DYNC1I1: variants seen among roughly 807,000 people sequenced by gnomAD.
DYNC1I1 encodes dynein cytoplasmic 1 intermediate chain 1, also known as cytoplasmic dynein 1 intermediate chain 1.
A neutral mutation model predicts 86.6 loss-of-function variants in DYNC1I1; 43 were observed. The ratio of observed to expected loss-of-function variants is 0.50; its 90% CI spans 0.39 to 0.64. The LOEUF (loss-of-function observed/expected upper bound fraction) is 0.64. Among genes scored for constraint, DYNC1I1 ranks in the 30% least tolerant of loss-of-function variants. DYNC1I1 has a pLI of 0.00. For synonymous variants in DYNC1I1, 262 were observed against 283.7 expected (o/e 0.92, Z 0.77); for missense variants, 604 against 788.8 (o/e 0.77, Z 2.81).
At chr7:95,995,196 A>G (rs1019859152) in intron 9 of DYNC1I1, among the ~76,000 whole-genome samples, 2 of 152,008 alleles carry the variant, frequency 1.3e-5, no homozygotes, top group South Asian at 2.1e-4. Flanking sequence ...GTAGTGAGCC[A>G]AGATCAGGCC....
chr7:95,802,098 C>A (rs1002822227), intron 1 of DYNC1I1, among the ~76,000 whole-genome samples: 6 of 151,844 alleles, frequency 4.0e-5, no homozygotes, highest in Non-Finnish European at 7.4e-5. Context: ...CAACTTCAGT[C>A]CCCCATCCCA....
At chr7:96,020,622 A>G (rs1450099437) in intron 10 of DYNC1I1, among the ~76,000 whole-genome samples, 1 of 152,140 alleles carries the variant, frequency 6.6e-6, no homozygotes, top group African/African-American at 2.4e-5. Context: ...TCAAAAATAG[A>G]ACTACATTAT....
chr7:95,839,760 G>A (rs1006927673), intron 5 of DYNC1I1, among the ~76,000 whole-genome samples: 7 of 151,950 alleles, frequency 4.6e-5, no homozygotes, highest in Admixed American at 2.6e-4. Flanking sequence ...AACTAGTGAT[G>A]GTAACCTCTC....
At chr7:95,818,456 C>A in intron 4 of DYNC1I1, 1 of 675,054 alleles carries the variant, frequency 1.5e-6, no homozygotes, top group South Asian at 1.6e-5. Context: ...TGCATACCAC[C>A]ACACCCAGCT....
At chr7:95,954,390 T>G (rs1792646744) in intron 6 of DYNC1I1, among the ~76,000 whole-genome samples, 1 of 151,858 alleles carries the variant, frequency 6.6e-6, no homozygotes. Flanking sequence ...CCACGTGTGC[T>G]TCATGCAACT....
chr7:96,051,909 G>A (rs1789415104), intron 14 of DYNC1I1, among the ~76,000 whole-genome samples: 2 of 152,220 alleles, frequency 1.3e-5, no homozygotes, highest in South Asian at 2.1e-4. Context: ...AAATGATTAT[G>A]TATTACAATA....
intron 2 of DYNC1I1, among the ~76,000 whole-genome samples, chr7:95,809,090 C>A (rs558472877): frequency 1.4e-4 from 22 of 152,044 alleles, no homozygotes; most frequent in Non-Finnish European, 3.1e-4. Context: ...CTCTTATAAG[C>A]CCTTATTGGC....
intron 10 of DYNC1I1, among the ~76,000 whole-genome samples, chr7:95,999,846 A>G (rs1253264458): frequency 6.6e-6 from 1 of 152,104 alleles, no homozygotes; most frequent in African/African-American, 2.4e-5. Flanking sequence ...TGTAAAGTTT[A>G]TTTCAGTAAA....
chr7:96,055,622 G>C (rs1285881146), intron 14 of DYNC1I1: 1 of 150,740 alleles, frequency 6.6e-6, no homozygotes, highest in Non-Finnish European at 1.5e-5. Flanking sequence ...TTAGACTCAG[G>C]ATAAAGATGA....
At chr7:96,061,418 C>T (rs1789762707) in intron 14 of DYNC1I1, among the ~76,000 whole-genome samples, 1 of 152,102 alleles carries the variant, frequency 6.6e-6, no homozygotes, top group Non-Finnish European at 1.5e-5. Context: ...GACTCTCACC[C>T]ATCCAAAGCG....
chr7:95,903,784 G>A (rs182364904), intron 6 of DYNC1I1, among the ~76,000 whole-genome samples: 1 of 152,258 alleles, frequency 6.6e-6, no homozygotes, highest in African/African-American at 2.4e-5. Context: ...AGAGGTTGTG[G>A]AGCTGTGTGA....
chr7:96,024,045 C>CCAGTTTTTCAT (rs1394877745), intron 10 of DYNC1I1, among the ~76,000 whole-genome samples: 1 of 152,108 alleles, frequency 6.6e-6, no homozygotes, highest in Non-Finnish European at 1.5e-5. Context: ...GTCAGTCTTA[C>CCAGTTTTTCAT]CAGTTTTTCA....
chr7:96,061,419 A>G (rs531340262), intron 14 of DYNC1I1, among the ~76,000 whole-genome samples: 59 of 152,220 alleles, frequency 3.9e-4, no homozygotes, highest in African/African-American at 1.2e-3. Context: ...ACTCTCACCC[A>G]TCCAAAGCGT....
At chr7:96,022,675 C>A (rs1794582460) in intron 10 of DYNC1I1, among the ~76,000 whole-genome samples, 1 of 151,804 alleles carries the variant, frequency 6.6e-6, no homozygotes, top group Admixed American at 6.6e-5. Context: ...CCAGCCATGG[C>A]AACATAGCAA....
chr7:95,988,156 C>T (rs548521548), intron 9 of DYNC1I1, among the ~76,000 whole-genome samples: 2 of 152,220 alleles, frequency 1.3e-5, no homozygotes, highest in Admixed American at 6.5e-5. Flanking sequence ...GCGGGTGGAT[C>T]GCTTGAGGTC....
chr7:95,801,045 T>C (rs1794565966), intron 1 of DYNC1I1, among the ~76,000 whole-genome samples: 1 of 152,266 alleles, frequency 6.6e-6, no homozygotes, highest in Admixed American at 6.5e-5. Context: ...CACTATAATG[T>C]ATACTTTCCA....
At chr7:95,876,367 A>G (rs929684075) in intron 6 of DYNC1I1, among the ~76,000 whole-genome samples, 2 of 152,156 alleles carry the variant, frequency 1.3e-5, no homozygotes, top group Non-Finnish European at 2.9e-5. Flanking sequence ...CTTGGTAGTT[A>G]TTGATATTTT....
At chr7:95,876,126 A>G (rs1790303589) in intron 6 of DYNC1I1, among the ~76,000 whole-genome samples, 1 of 152,076 alleles carries the variant, frequency 6.6e-6, no homozygotes, top group African/African-American at 2.4e-5. Flanking sequence ...CAGATTCCCA[A>G]AAAAGGAGTG....
At chr7:95,843,688 T>G (rs925501150) in intron 5 of DYNC1I1, among the ~76,000 whole-genome samples, 1 of 152,046 alleles carries the variant, frequency 6.6e-6, no homozygotes, top group African/African-American at 2.4e-5. Context: ...AAAAGGGAGA[T>G]GATATGGCTT....
Sources: gnomAD v4.1 joint callset for allele counts (sites outside exome capture counted in the v4.1 genomes callset) on GRCh38, gnomAD v4.1.1 for gene constraint, MANE v1.5 for transcripts, NCBI Gene and HGNC (gene_info 2026-07-23, HGNC 2026-07-21) for gene names.